The following ZNF804B variants were observed in gnomAD, a reference collection of about 807,000 sequenced individuals.
ZNF804B encodes zinc finger 804B.
In ZNF804B, 80 loss-of-function variants were observed where a neutral mutation model predicts 101.4. The observed-to-expected ratio is 0.79, with a 90% CI of 0.66 to 0.95. ZNF804B has a LOEUF of 0.95. Among genes scored for constraint, ZNF804B ranks in the 40% least tolerant of loss-of-function variants. The probability of loss-of-function intolerance (pLI) is 0.00; values close to 1 mark genes in which losing one functional copy is unlikely to be tolerated. For missense variants in ZNF804B, 1,673 were observed against 1,561.9 expected, an observed-to-expected ratio of 1.07 and a Z score of -1.20; for synonymous variants, 622 against 558.8, an observed-to-expected ratio of 1.11 and a Z score of -1.59.
chr7:88,823,452 T>G (rs574611231), intron 1 of ZNF804B, among the ~76,000 whole-genome samples: 1 of 152,238 alleles, frequency 6.6e-6, no homozygotes, highest in East Asian at 1.9e-4. Context: ...GTTTGACAAA[T>G]TATCTCCTGA....
intron 3 of ZNF804B, among the ~76,000 whole-genome samples, chr7:89,331,721 T>A (rs1413675873): frequency 6.6e-6 from 1 of 151,066 alleles, no homozygotes; most frequent in African/African-American, 2.4e-5. Flanking sequence ...AAAAACTGAG[T>A]CAGTAAAATA....
At chr7:88,978,963 A>G (rs1018974746) in intron 1 of ZNF804B, among the ~76,000 whole-genome samples, 1 of 151,914 alleles carries the variant, frequency 6.6e-6, no homozygotes, top group African/African-American at 2.4e-5. Context: ...TGAAGTTACC[A>G]TGAGACTTGC....
At chr7:89,097,166 C>T (rs2116333168) in intron 1 of ZNF804B, among the ~76,000 whole-genome samples, 1 of 152,326 alleles carries the variant, frequency 6.6e-6, no homozygotes, top group Middle Eastern at 3.4e-3. Context: ...TTGCTTTCTG[C>T]AATCCCCGTC....
intron 1 of ZNF804B, among the ~76,000 whole-genome samples, chr7:88,870,341 C>T (rs9801414): frequency 0.18 from 25,158 of 136,090 alleles, 2,745 homozygotes; most frequent in East Asian, 0.45. Flanking sequence ...GTCGAGATCG[C>T]GCCACTGCAC....
At chr7:88,916,892 G>A (rs981592011) in intron 1 of ZNF804B, among the ~76,000 whole-genome samples, 2 of 152,118 alleles carry the variant, frequency 1.3e-5, no homozygotes, top group East Asian at 1.9e-4. Context: ...TTTGTTTAGT[G>A]TTTTTAATGA....
chr7:89,161,633 C>T lies in ZNF804B; in HGVS notation c.109-56522C>T, dbSNP rs574173893. ...CAAAGTCCTGGGCTCAAGCGATCCTCCCACCTTAGCCTCCCAAAGTGCTGG... is the reference window on the plus strand; with the variant it reads ...CAAAGTCCTGGGCTCAAGCGATCCTTCCACCTTAGCCTCCCAAAGTGCTGG... On this transcript the variant is annotated intron_variant, in intron 1 of 3. Transcript: ENST00000333190. Among the ~76,000 whole-genome samples, 6 of 97,422 alleles carry T rather than the reference C, an allele frequency of 6.2e-5. No homozygotes were observed. In the South Asian group the frequency reaches 1.8e-3, roughly 30 times the overall value. The allele number at this position is 97,422 out of a possible 152,430, so 63.9% of individuals were successfully genotyped here. A position where few individuals can be genotyped will look rare whatever the true frequency, so the allele number is the denominator to read the frequency against.
chr7:88,798,649 G>C (rs557260322), intron 1 of ZNF804B, among the ~76,000 whole-genome samples: 1 of 152,168 alleles, frequency 6.6e-6, no homozygotes, highest in East Asian at 1.9e-4. Context: ...AAGGCAACTT[G>C]TTTTCTTATC....
intron 1 of ZNF804B, among the ~76,000 whole-genome samples, chr7:88,798,318 G>A (rs575117947): frequency 9.9e-5 from 15 of 151,950 alleles, no homozygotes; most frequent in Non-Finnish European, 1.8e-4. Flanking sequence ...ATTTCATCAT[G>A]ATAAACATAT....
intron 1 of ZNF804B, among the ~76,000 whole-genome samples, chr7:89,064,275 C>G (rs1789419127): frequency 1.3e-5 from 2 of 152,106 alleles, no homozygotes; most frequent in African/African-American, 2.4e-5. Context: ...TGAAGCTGTT[C>G]TCTCTCCTGG....
chr7:89,183,240 G>T (rs1003443845), intron 1 of ZNF804B, among the ~76,000 whole-genome samples: 2 of 152,066 alleles, frequency 1.3e-5, no homozygotes, highest in East Asian at 3.9e-4. Flanking sequence ...AGGAACATAA[G>T]CTATGTATGG....
At chr7:89,227,586 A>T (rs1263649809) in intron 2 of ZNF804B, among the ~76,000 whole-genome samples, 1 of 152,234 alleles carries the variant, frequency 6.6e-6, no homozygotes, top group Non-Finnish European at 1.5e-5. Flanking sequence ...AAGTGTACAG[A>T]GAATACAGTG....
chr7:89,065,076 T>A (rs1286729897), intron 1 of ZNF804B, among the ~76,000 whole-genome samples: 2 of 152,168 alleles, frequency 1.3e-5, no homozygotes, highest in African/African-American at 4.8e-5. Flanking sequence ...GGAAGGGTAC[T>A]GCTTGTGGTC....
At chr7:88,912,527 A>G (rs1370405034) in intron 1 of ZNF804B, among the ~76,000 whole-genome samples, 1 of 152,126 alleles carries the variant, frequency 6.6e-6, no homozygotes, top group Admixed American at 6.5e-5. Context: ...TCTGAAAGCT[A>G]TATGGTTTTG....
intron 1 of ZNF804B, among the ~76,000 whole-genome samples, chr7:89,189,095 T>G (rs1319609836): frequency 2.0e-5 from 3 of 152,134 alleles, no homozygotes; most frequent in Non-Finnish European, 4.4e-5. Flanking sequence ...GACTTTAAGT[T>G]GAAGCCAGCA....
At chr7:89,138,948 G>T (rs562423566) in intron 1 of ZNF804B, among the ~76,000 whole-genome samples, 17 of 152,036 alleles carry the variant, frequency 1.1e-4, no homozygotes, top group Non-Finnish European at 2.5e-4. Flanking sequence ...CCCAGTCTCT[G>T]GTATGTCTTT....
chr7:89,314,186 C>A (rs1790686499), intron 2 of ZNF804B, among the ~76,000 whole-genome samples: 1 of 152,056 alleles, frequency 6.6e-6, no homozygotes, highest in Non-Finnish European at 1.5e-5. Flanking sequence ...GACATGAAAT[C>A]TTGGATTTAT....
chr7:88,985,687 G>A (rs893430093), intron 1 of ZNF804B, among the ~76,000 whole-genome samples: 1 of 152,090 alleles, frequency 6.6e-6, no homozygotes, highest in African/African-American at 2.4e-5. Context: ...CTCCTTTAAT[G>A]GAAAGATGTG....
At chr7:88,764,630 C>A (rs1310399542) in intron 1 of ZNF804B, among the ~76,000 whole-genome samples, 1 of 152,118 alleles carries the variant, frequency 6.6e-6, no homozygotes, top group African/African-American at 2.4e-5. Context: ...TACATCCATC[C>A]ATCCAGAGAA....
At chr7:89,287,693 T>C (rs1489842324) in intron 2 of ZNF804B, among the ~76,000 whole-genome samples, 1 of 152,016 alleles carries the variant, frequency 6.6e-6, no homozygotes. Flanking sequence ...ACAGTCAGAC[T>C]AGGAGGCTGA....
Sources: allele counts gnomAD v4.1 joint callset (sites outside exome capture counted in the v4.1 genomes callset), GRCh38; gene constraint gnomAD v4.1.1; transcripts MANE v1.5; gene names NCBI Gene and HGNC (gene_info 2026-07-23, HGNC 2026-07-21).